TRAPPC9: variants seen among roughly 807,000 people sequenced by gnomAD.
TRAPPC9 encodes the protein trafficking protein particle complex subunit 9.
Under a neutral mutation model 124.0 loss-of-function variants are expected in TRAPPC9, and 83 were observed. The ratio of observed to expected loss-of-function variants is 0.67; its 90% confidence interval spans 0.56 to 0.80. TRAPPC9 has a LOEUF of 0.80. Ranked by LOEUF, TRAPPC9 falls within the 30% of genes least tolerant of loss-of-function variation. The pLI is 0.00. For synonymous variants in TRAPPC9, 638 were observed against 617.5 expected (o/e 1.03, Z -0.49); for missense variants, 1,302 against 1,508.3 (o/e 0.86, Z 2.27).
chr8:140,213,084 A>AAG (rs66505703), intron 17 of TRAPPC9, among the ~76,000 whole-genome samples: 2 of 53,782 alleles, frequency 3.7e-5, no homozygotes, highest in East Asian at 9.4e-4. Context: ...AAAAAAAAAA[A>AAG]GTTTTTTTGT....
chr8:139,756,651 A>T (rs1819822800), intron 21 of TRAPPC9, among the ~76,000 whole-genome samples: 1 of 141,838 alleles, frequency 7.1e-6, no homozygotes, highest in Non-Finnish European at 1.5e-5. Flanking sequence ...AGCAGGTCGC[A>T]GGAGGAGCCA....
intron 18 of TRAPPC9, among the ~76,000 whole-genome samples, chr8:140,007,648 T>C (rs1175901087): frequency 2.6e-5 from 4 of 152,212 alleles, no homozygotes; most frequent in African/African-American, 9.7e-5. Flanking sequence ...CCTTTCAAAA[T>C]ACATTCAATC....
At chr8:140,429,073 TTTTTCTGTTTTTG>T (rs2070533629) in intron 4 of TRAPPC9, among the ~76,000 whole-genome samples, 1 of 142,350 alleles carries the variant, frequency 7.0e-6, no homozygotes, top group Non-Finnish European at 1.5e-5. Context: ...TTGTTTTTTG[TTTTTCTGTTTTTG>T]TTTTTTTTTT....
rs1247959985 is a variant in TRAPPC9 at position 140,289,174 on chromosome 8, AGTGTGTGTGTGTG to A, written c.1855-1453_1855-1441del. On this transcript the variant is annotated intron_variant, in intron 12 of 22. Coordinates refer to ENST00000438773, the MANE Select transcript of TRAPPC9 (RefSeq NM_001160372.4). Reference sequence around the variant, plus strand: ...GGCATATGGGTTTAGATATATATATAGTGTGTGTGTGTGTGTGTGTGTGTGTGTGTGTGTGTGT... The same window carrying A: ...GGCATATGGGTTTAGATATATATATATGTGTGTGTGTGTGTGTGTGTGTGT... Among the ~76,000 whole-genome samples, 28 of 148,428 alleles carry A rather than the reference AGTGTGTGTGTGTG, an allele frequency of 1.9e-4. No individual in the cohort carries two copies. In the East Asian group the frequency reaches 2.6e-3, roughly 14 times the overall value.
At chr8:140,412,620 A>C (rs2069747238) in intron 5 of TRAPPC9, among the ~76,000 whole-genome samples, 1 of 152,338 alleles carries the variant, frequency 6.6e-6, no homozygotes, top group South Asian at 2.1e-4. Flanking sequence ...CTCAAAAAAA[A>C]CTTTGTATAT....
intron 10 of TRAPPC9, among the ~76,000 whole-genome samples, chr8:140,308,321 G>A (rs2066194080): frequency 6.7e-6 from 1 of 149,160 alleles, no homozygotes; most frequent in African/African-American, 2.5e-5. Context: ...TAAGCGGTGG[G>A]GAGCAGAGTA....
intron 19 of TRAPPC9, among the ~76,000 whole-genome samples, chr8:139,967,055 C>T (rs1368909693): frequency 1.3e-5 from 2 of 152,148 alleles, no homozygotes; most frequent in Non-Finnish European, 2.9e-5. Context: ...AGTGGAAGTG[C>T]GGTAGATTGC....
chr8:140,384,986 A>C (rs2068714710), intron 7 of TRAPPC9, among the ~76,000 whole-genome samples: 2 of 152,260 alleles, frequency 1.3e-5, no homozygotes, highest in South Asian at 4.1e-4. Context: ...ACCACAGTGC[A>C]ATCAAACTAG....
chr8:140,038,983 G>A (rs1186096205), intron 17 of TRAPPC9, among the ~76,000 whole-genome samples: 2 of 152,234 alleles, frequency 1.3e-5, no homozygotes, highest in African/African-American at 2.4e-5. Flanking sequence ...GCTGGGGAAG[G>A]AGCGGAGCGA....
intron 10 of TRAPPC9, among the ~76,000 whole-genome samples, chr8:140,307,095 C>T (rs1434796900): frequency 6.6e-6 from 1 of 152,114 alleles, no homozygotes; most frequent in Admixed American, 6.5e-5. Flanking sequence ...CCATGAGGGG[C>T]AGTGAAAAGC....
intron 21 of TRAPPC9, among the ~76,000 whole-genome samples, chr8:139,809,798 C>T (rs971954778): frequency 4.6e-5 from 7 of 152,122 alleles, no homozygotes; most frequent in African/African-American, 1.4e-4. Context: ...GCCATATAAA[C>T]GGCGGCCACC....
At chr8:140,217,120 G>A (rs1226261704) in intron 17 of TRAPPC9, among the ~76,000 whole-genome samples, 6 of 152,200 alleles carry the variant, frequency 3.9e-5, no homozygotes, top group East Asian at 1.9e-4. Flanking sequence ...CACAATATAC[G>A]TTGTGCTTTA....
intron 17 of TRAPPC9, among the ~76,000 whole-genome samples, chr8:140,200,571 G>A (rs778678038): frequency 2.6e-5 from 4 of 152,044 alleles, no homozygotes; most frequent in African/African-American, 4.8e-5. Context: ...AGGGCACGTC[G>A]ACTCCTTCTC....
At chr8:139,835,461 C>T (rs536688964) in intron 21 of TRAPPC9, among the ~76,000 whole-genome samples, 22 of 152,368 alleles carry the variant, frequency 1.4e-4, no homozygotes, top group African/African-American at 3.6e-4. Context: ...ATGGCGCGCA[C>T]GTTCGCCCGT....
intron 10 of TRAPPC9, among the ~76,000 whole-genome samples, chr8:140,308,873 T>G (rs531100766): frequency 6.7e-6 from 1 of 148,304 alleles, no homozygotes; most frequent in African/African-American, 2.5e-5. Context: ...AGAGTGAGAT[T>G]ACAACTCAAA....
At chr8:140,387,779 C>G (rs2068794157) in intron 7 of TRAPPC9, among the ~76,000 whole-genome samples, 1 of 152,172 alleles carries the variant, frequency 6.6e-6, no homozygotes, top group South Asian at 2.1e-4. Flanking sequence ...GTTGGTGGGA[C>G]TGTAAACTAG....
At chr8:139,978,104 C>A (rs113002794) in intron 19 of TRAPPC9, among the ~76,000 whole-genome samples, 6 of 152,182 alleles carry the variant, frequency 3.9e-5, no homozygotes, top group Non-Finnish European at 8.8e-5. Context: ...TCTCGAACTC[C>A]TGGCTTCAAG....
intron 16 of TRAPPC9, among the ~76,000 whole-genome samples, chr8:140,232,210 T>C (rs534405812): frequency 6.6e-6 from 1 of 152,180 alleles, no homozygotes; most frequent in South Asian, 2.1e-4. Context: ...AGTGCTGGGA[T>C]TACTGGTGTG....
At position 139,891,542 on chromosome 8, in the gene TRAPPC9, C is replaced by T. The variant is rs560168477; in HGVS notation, c.2965-5573G>A. Among the ~76,000 whole-genome samples, 10 of 152,362 alleles carry T rather than the reference C, an allele frequency of 6.6e-5. No homozygotes were observed. The South Asian group carries it at 2.1e-3, about 32-fold the overall frequency. On this transcript the variant is annotated intron_variant, in intron 20 of 22. Coordinates refer to ENST00000438773, the MANE Select transcript of TRAPPC9 (RefSeq NM_001160372.4). ...CTGGGCCCTGGGCTGGATGCAGGGTCCCGAACCCAGCTCAGCGGCACATGC... is the reference window on the plus strand; with the variant it reads ...CTGGGCCCTGGGCTGGATGCAGGGTTCCGAACCCAGCTCAGCGGCACATGC...
Sources: gnomAD v4.1 joint callset for allele counts (sites outside exome capture counted in the v4.1 genomes callset) on GRCh38, gnomAD v4.1.1 for gene constraint, MANE v1.5 for transcripts, NCBI Gene and HGNC (gene_info 2026-07-23, HGNC 2026-07-21) for gene names.